PIGU: variants seen among roughly 807,000 people sequenced by gnomAD.
The protein encoded by PIGU is GPI-anchor transamidase component PIGU.
A neutral mutation model predicts 49.9 loss-of-function variants in PIGU; 24 were observed. That is an observed-to-expected ratio of 0.48 (90% CI 0.35 to 0.68). The LOEUF (loss-of-function observed/expected upper bound fraction) is 0.68, where lower values mean the gene tolerates loss of function less well. Ranked by LOEUF, PIGU falls within the 30% of genes least tolerant of loss-of-function variation. The probability of loss-of-function intolerance (pLI) is 0.01; values close to 1 mark genes in which losing one functional copy is unlikely to be tolerated. For missense variants in PIGU, 490 were observed against 532.6 expected, an observed-to-expected ratio of 0.92 and a Z score of 0.79; for synonymous variants, 220 against 205.7, an observed-to-expected ratio of 1.07 and a Z score of -0.59.
At chr20:34,585,645 G>T in intron 8 of PIGU, 65 bp from the exon 9 acceptor site, 1 of 1,557,058 alleles carries the variant, frequency 6.4e-7, no homozygotes. Context: ...CTTTGACCTT[G>T]ATTTCTCCTG....
intron 6 of PIGU, among the ~76,000 whole-genome samples, chr20:34,633,939 AAATAT>A (rs760630273): frequency 1.6e-4 from 24 of 152,284 alleles, no homozygotes; most frequent in African/African-American, 4.8e-4. Context: ...ATAATTCAGG[AAATAT>A]AATATAAGGT....
At chr20:34,586,280 C>G (rs554049768) in intron 8 of PIGU, among the ~76,000 whole-genome samples, 1 of 152,148 alleles carries the variant, frequency 6.6e-6, no homozygotes, top group Non-Finnish European at 1.5e-5. Context: ...AAATAGGGCA[C>G]GCAGAGGGAG....
chr20:34,669,840 T>A (rs1024018264), intron 1 of PIGU, among the ~76,000 whole-genome samples: 4 of 151,826 alleles, frequency 2.6e-5, no homozygotes, highest in Non-Finnish European at 4.4e-5. Flanking sequence ...AGATAAACAC[T>A]ATGGAAGAGA....
chr20:34,583,627 C>T lies in PIGU; in HGVS notation c.926+1810G>A, dbSNP rs753099421. ...AGCTGCCGGAGAGCTGGCTGCACGG[C>T]CAGTGCGGAAAGGTGCCCTGGGATC... On this transcript the variant is annotated intron_variant, in intron 9 of 11. Transcript: ENST00000217446. Among the ~76,000 whole-genome samples, 38 of 152,236 alleles carry T rather than the reference C, an allele frequency of 2.5e-4. 1 individual carries two copies. Among genetic ancestry groups the T allele is most frequent in the Admixed American group, 1.3e-3 (20 of 15,288 alleles).
chr20:34,626,538 G>T (rs1985499520), intron 6 of PIGU, among the ~76,000 whole-genome samples: 1 of 152,002 alleles, frequency 6.6e-6, no homozygotes, highest in Admixed American at 6.6e-5. Context: ...CCTGACCTCG[G>T]GTGATCCACC....
chr20:34,625,973 T>C lies in PIGU; in HGVS notation c.529+8642A>G, dbSNP rs200366942. 8.5e-4 allele frequency among the ~76,000 whole-genome samples: 126 copies of C among 148,534 alleles called. 1 individual carries two copies. The highest frequency in any genetic ancestry group is 8.2e-3 in the East Asian group (42 of 5,138). On this transcript the variant is annotated intron_variant, in intron 6 of 11. Transcript: ENST00000217446. ...CATATATATAATATATATATATATA[T>C]ACACACATACACAATTTTACATTGT... is the stretch of plus-strand genomic sequence containing the variant.
chr20:34,624,659 C>T (rs1985386541), intron 6 of PIGU, among the ~76,000 whole-genome samples: 1 of 152,190 alleles, frequency 6.6e-6, no homozygotes, highest in South Asian at 2.1e-4. Context: ...AAGACTACTT[C>T]CCAAGGAAGG....
intron 10 of PIGU, among the ~76,000 whole-genome samples, chr20:34,579,959 T>C (rs898990952): frequency 5.9e-5 from 9 of 152,180 alleles, no homozygotes; most frequent in Non-Finnish European, 1.3e-4. Context: ...CTTAACACAC[T>C]CATGAGTTAT....
chr20:34,676,742 C>T (rs909738538), intron 1 of PIGU, among the ~76,000 whole-genome samples: 10 of 152,188 alleles, frequency 6.6e-5, no homozygotes, highest in Non-Finnish European at 1.5e-4. Flanking sequence ...CCCCCAGGGC[C>T]CAAACCTCAC....
intron 3 of PIGU, 74 bp from the exon 4 acceptor site, chr20:34,644,300 G>C (rs1030941564): frequency 7.9e-7 from 1 of 1,262,344 alleles, no homozygotes; most frequent in African/African-American, 1.5e-5. Flanking sequence ...ACCAGGGCTT[G>C]GAGTTTTGAG....
At position 34,637,630 on chromosome 20, in the gene PIGU, A is replaced by C. The variant is rs144093152; in HGVS notation, c.428+246T>G. 1.8e-3 allele frequency among the ~76,000 whole-genome samples: 278 copies of C among 152,354 alleles called. 1 individual carries two copies. Among genetic ancestry groups the C allele is most frequent in the African/African-American group, 6.6e-3 (274 of 41,592 alleles). ...CTGGAACCCAGATCAGCATGGAGTCAAAAAGCATTTGTGAAGGGTTTGATT... is the reference window on the plus strand; with the variant it reads ...CTGGAACCCAGATCAGCATGGAGTCCAAAAGCATTTGTGAAGGGTTTGATT... On this transcript the variant is annotated intron_variant, in intron 5 of 11. Transcript: ENST00000217446.
At position 34,588,603 on chromosome 20, in the gene PIGU, T is replaced by G; in HGVS notation, c.632A>C (p.Gln211Pro). Residue 211 changes from glutamine (Q) to proline (P), a missense_variant, in exon 8 of 12, where the codon CAG (glutamine) becomes CCG (proline). Transcript: ENST00000217446. ...GCTCTTCATTTTCACAGGTATGTAC[T>G]GCCGCTGGAGAGAAGGCAAAGTGAT... The part of the protein sequence containing the change: ...VPGLLYLLQR[Q>P]YIPVKMKSKA... 1.2e-6 allele frequency: 2 copies of G among 1,612,030 alleles called. No homozygotes were observed. The highest frequency in any genetic ancestry group is 1.7e-6 in the Non-Finnish European group (2 of 1,179,058).
chr20:34,590,572 G>GTAACA (rs1472411715), intron 7 of PIGU, among the ~76,000 whole-genome samples: 16 of 120,920 alleles, frequency 1.3e-4, no homozygotes, highest in African/African-American at 5.1e-4. Context: ...ATAAAATAGC[G>GTAACA]TAACGTAACA....
At chr20:34,634,794 G>A (rs1985907272) in intron 5 of PIGU, 79 bp from the exon 6 acceptor site, 1 of 1,546,938 alleles carries the variant, frequency 6.5e-7, no homozygotes, top group Non-Finnish European at 8.7e-7. Flanking sequence ...AGTTCCAAGA[G>A]ATTTATTAAA....
chr20:34,567,116 G>A (rs1285974915), intron 11 of PIGU, among the ~76,000 whole-genome samples: 4 of 152,226 alleles, frequency 2.6e-5, no homozygotes, highest in African/African-American at 9.6e-5. Context: ...GTCAGCCCAC[G>A]CTGGGGGGAA....
At chr20:34,572,829 C>T (rs1167185151) in intron 11 of PIGU, among the ~76,000 whole-genome samples, 1 of 152,092 alleles carries the variant, frequency 6.6e-6, no homozygotes, top group Non-Finnish European at 1.5e-5. Context: ...AAGGAGAATG[C>T]CATTTACCTA....
chr20:34,666,889 G>A (rs531715535), intron 1 of PIGU, among the ~76,000 whole-genome samples: 1 of 151,746 alleles, frequency 6.6e-6, no homozygotes, highest in Non-Finnish European at 1.5e-5. Flanking sequence ...TAGTAGAGAC[G>A]AGGTTTCACC....
chr20:34,642,350 C>T (rs921916317), intron 4 of PIGU, among the ~76,000 whole-genome samples: 1 of 152,126 alleles, frequency 6.6e-6, no homozygotes, highest in Non-Finnish European at 1.5e-5. Flanking sequence ...GCTGGGCCTA[C>T]AGGCACATAC....
rs77443949 is a variant in PIGU at position 34,586,631 on chromosome 20, G to A, written c.783-1051C>T. The stretch of plus-strand genomic sequence containing the variant: ...CTGTGAGCTCCCCAAAGCTTAGGGA[G>A]CAACCGAGTCTTCGGCACCTATGCA... On this transcript the variant is annotated intron_variant, in intron 8 of 11. Coordinates refer to ENST00000217446, the MANE Select transcript of PIGU (RefSeq NM_080476.5). Among the ~76,000 whole-genome samples, 1,299 of 151,972 alleles carry A rather than the reference G, an allele frequency of 8.5e-3. 18 individuals carry two copies. The highest frequency in any genetic ancestry group is 0.03 in the African/African-American group (1,228 of 41,452).
Sources: gnomAD v4.1 joint callset for allele counts (sites outside exome capture counted in the v4.1 genomes callset) on GRCh38, gnomAD v4.1.1 for gene constraint, MANE v1.5 for transcripts, NCBI Gene and HGNC (gene_info 2026-07-23, HGNC 2026-07-21) for gene names.